The following TRAPPC10 variants were observed in gnomAD, a reference collection of about 807,000 sequenced individuals.
The protein encoded by TRAPPC10 is trafficking protein particle complex subunit 10, also known as TRAPP 130 kDa subunit.
A neutral mutation model predicts 125.5 loss-of-function variants in TRAPPC10; 23 were observed. The ratio of observed to expected loss-of-function variants is 0.18; its 90% CI spans 0.13 to 0.26. The LOEUF is 0.26. TRAPPC10 is among the 10% of genes least tolerant of loss of function. The pLI is 1.00. For missense variants in TRAPPC10, 1,123 were observed against 1,308.4 expected (o/e 0.86, Z 2.19); for synonymous variants, 509 against 518.0 (o/e 0.98, Z 0.24).
chr21:44,062,602 C>A, intron 6 of TRAPPC10: 1 of 984,614 alleles, frequency 1.0e-6, no homozygotes, highest in Non-Finnish European at 1.2e-6. Flanking sequence ...GGGCTGGGTC[C>A]ACTCCACACT....
At chr21:44,052,657 G>A (rs1382810290) in intron 4 of TRAPPC10, among the ~76,000 whole-genome samples, 181 bp downstream of exon 4, 2 of 152,114 alleles carry the variant, frequency 1.3e-5, no homozygotes, top group East Asian at 3.9e-4. Context: ...AGAACTCGAA[G>A]CAGTCATCCC....
rs572196907 is a variant in TRAPPC10 at position 44,086,723 on chromosome 21, C to A, written c.2381-79C>A. 33 of 1,446,702 alleles carry A rather than the reference C, an allele frequency of 2.3e-5. No homozygotes were observed. The East Asian group carries it at 7.1e-4, about 31-fold the overall frequency. 89.6% of individuals were successfully genotyped at this position (1,446,702 alleles called of 1,614,324 possible). On this transcript the variant is annotated intron_variant, in intron 15 of 22. Transcript: ENST00000291574. ...TCTTTCATAGTAAAAGAAATAGAGC[C>A]CCTTTCACCCCATTGCGGGCCCTGA...
chr21:44,083,395 A>G (rs2037898717), intron 14 of TRAPPC10, 93 bp downstream of exon 14: 6 of 1,410,122 alleles, frequency 4.3e-6, no homozygotes, highest in Non-Finnish European at 4.8e-6. Context: ...TGAATTGAGT[A>G]GAGTCCTTTG....
At chr21:44,067,574 G>A (rs1313900436) in intron 7 of TRAPPC10, among the ~76,000 whole-genome samples, 1 of 152,178 alleles carries the variant, frequency 6.6e-6, no homozygotes, top group Non-Finnish European at 1.5e-5. Context: ...TTCCTTGCCT[G>A]CCAGGCACTG....
rs1208374821 is a variant in TRAPPC10, at chr21:44,091,973, T to C, written c.2921T>C (p.Leu974Pro). 5 of 1,614,180 alleles carry C rather than the reference T, an allele frequency of 3.1e-6. No homozygotes were observed. Among genetic ancestry groups the C allele is most frequent in the Non-Finnish European group, 4.2e-6 (5 of 1,180,020 alleles). ...AATTTGTCAGAACTTGACTTTCAGC[T>C]GTCAGATAGTTATCTTGTAGATACC... Reference protein sequence around the residue: ...VQNLSELDFQLSDSYLVDTGD... With the variant: ...VQNLSELDFQPSDSYLVDTGD... The change falls in exon 19 of 23, where the codon CTG becomes CCG. Residue 974 changes from leucine to proline, a missense_variant. By Grantham distance (98) the Leu-to-Pro change is moderately conservative (BLOSUM62 -3). Around this residue, in one of 4 missense-constraint regions of TRAPPC10, gnomAD observed 840 missense variants for 902.0 expected, o/e 0.93. Coordinates refer to ENST00000291574, the MANE Select transcript of TRAPPC10 (RefSeq NM_003274.5).
chr21:44,025,001 A>G (rs1268078494), intron 1 of TRAPPC10, among the ~76,000 whole-genome samples: 1 of 152,190 alleles, frequency 6.6e-6, no homozygotes, highest in Non-Finnish European at 1.5e-5. Flanking sequence ...GTATGTTGAG[A>G]TCATTCTCAT....
At chr21:44,013,268 G>T (rs901201044) in intron 1 of TRAPPC10, among the ~76,000 whole-genome samples, 5 of 152,126 alleles carry the variant, frequency 3.3e-5, no homozygotes, top group Admixed American at 6.5e-5. Context: ...CTGTTTTTCT[G>T]TTACGGGAAA....
rs200809792 is a variant in TRAPPC10 at position 44,082,962 on chromosome 21, T to C, written c.1898T>C (p.Ile633Thr). Reference protein sequence around the residue: ...EQIVVNVHFSIEKNSYRKTAE... With the variant: ...EQIVVNVHFSTEKNSYRKTAE... Reference sequence around the variant, plus strand: ...ATTGTGGTCAATGTCCACTTCAGCATTGAGAAAAACAGCTACCGGAAGACT... The same window carrying C: ...ATTGTGGTCAATGTCCACTTCAGCACTGAGAAAAACAGCTACCGGAAGACT... Residue 633 changes from isoleucine to threonine, a missense_variant, in exon 14 of 23, where the codon ATT becomes ACT. Physicochemically the swap from Ile to Thr is moderately conservative, Grantham distance 89. Coordinates refer to ENST00000291574, the MANE Select transcript of TRAPPC10 (RefSeq NM_003274.5). This position sits in a 1 kb window ranked among gnomAD's most constrained non-coding sequence, Gnocchi z 4.4. The C allele has an allele frequency of 8.6e-5, 138 of 1,613,916 alleles. No individual in the cohort carries two copies. The highest frequency in any genetic ancestry group is 1.1e-4 in the Non-Finnish European group (129 of 1,180,022).
At chr21:44,043,402 C>T (rs1459538157) in intron 3 of TRAPPC10, among the ~76,000 whole-genome samples, 3 of 151,696 alleles carry the variant, frequency 2.0e-5, no homozygotes, top group African/African-American at 4.8e-5. Flanking sequence ...TTAGTGGAGA[C>T]GGGGTTTCAC....
chr21:44,094,038 C>T, intron 19 of TRAPPC10, 25 bp from the exon 20 acceptor site: 1 of 1,604,690 alleles, frequency 6.2e-7, no homozygotes, highest in Non-Finnish European at 8.5e-7. Context: ...GCTGTGTGAG[C>T]AGTGACCCCC....
rs536277304 is a variant in TRAPPC10 at position 44,039,251 on chromosome 21, C to T, written c.285+1324C>T. 5.9e-5 allele frequency among the ~76,000 whole-genome samples: 9 copies of T among 152,292 alleles called. No homozygotes were observed. The South Asian group carries it at 6.2e-4, about 11-fold the overall frequency. On this transcript the variant is annotated intron_variant, in intron 3 of 22. Coordinates refer to ENST00000291574, the MANE Select transcript of TRAPPC10 (RefSeq NM_003274.5). Reference sequence around the variant, plus strand: ...ACCTTTCCACCCATCTCCGTCAGCCCGTCCCCTATTCTGGGGAGCGCCTGC... The same window carrying T: ...ACCTTTCCACCCATCTCCGTCAGCCTGTCCCCTATTCTGGGGAGCGCCTGC...
Position 44,014,713 on chromosome 21 carries a change from C to T in TRAPPC10, c.67+2153C>T, listed in dbSNP as rs114488968. Reference sequence around the variant, plus strand: ...GAAGTGCTGGGATTACAGGCTTGAGCCCCCACCCTTGGCCTCAAGCAACAT... The same window carrying T: ...GAAGTGCTGGGATTACAGGCTTGAGTCCCCACCCTTGGCCTCAAGCAACAT... On this transcript the variant is annotated intron_variant, in intron 1 of 22. Transcript: ENST00000291574. Among the ~76,000 whole-genome samples the T allele has an allele frequency of 5.6e-3, 846 of 151,930 alleles. 12 individuals are homozygous for T. Among genetic ancestry groups the T allele is most frequent in the African/African-American group, 0.02 (820 of 41,424 alleles).
At position 44,062,528 on chromosome 21, in the gene TRAPPC10, G is replaced by A. The variant is rs1037219527; in HGVS notation, c.791-1010G>A. On this transcript the variant is annotated intron_variant, in intron 6 of 22. Transcript: ENST00000291574. ...CCTGACTGAAATGTGGGAGTGCCCC[G>A]TGAGAATCCTGTGGGAGGGGAGCCT... 1.0e-5 allele frequency: 10 copies of A among 985,094 alleles called. No homozygotes were observed. In the South Asian group the frequency reaches 1.9e-4, roughly 19 times the overall value. The allele number at this position is 985,094 out of a possible 1,614,324, so 61.0% of individuals were successfully genotyped here.
intron 5 of TRAPPC10, among the ~76,000 whole-genome samples, chr21:44,057,129 T>G (rs1354343677): frequency 1.3e-5 from 2 of 151,956 alleles, no homozygotes; most frequent in Non-Finnish European, 2.9e-5. Flanking sequence ...GTGCTCAGGT[T>G]CAGAGACAGA....
chr21:44,047,533 T>A (rs1218013377), intron 3 of TRAPPC10, among the ~76,000 whole-genome samples: 1 of 45,940 alleles, frequency 2.2e-5, no homozygotes, highest in Non-Finnish European at 3.9e-5. Context: ...TGGGGGAGTA[T>A]GTGTGTGTGT....
At chr21:44,089,455 A>G (rs926399872) in intron 17 of TRAPPC10, 2 of 432,996 alleles carry the variant, frequency 4.6e-6, no homozygotes, top group South Asian at 1.6e-5. Flanking sequence ...CTGGAAATAC[A>G]TGACTGAAAG....
At chr21:44,013,696 C>T (rs1398373394) in intron 1 of TRAPPC10, among the ~76,000 whole-genome samples, 2 of 152,176 alleles carry the variant, frequency 1.3e-5, no homozygotes, top group African/African-American at 4.8e-5. Context: ...CTTCCTTTTG[C>T]TTTATTTTGT....
chr21:44,079,702 A>G lies in TRAPPC10; in HGVS notation c.1608A>G (p.Glu536=), dbSNP rs772730254. Residue 536 remains glutamate (E), a splice_region_variant and synonymous_variant, in exon 12 of 23, where the codon GAA becomes GAG. Coordinates refer to ENST00000291574, the MANE Select transcript of TRAPPC10 (RefSeq NM_003274.5). ...GTCAAAAGCACCTTGGACAAATTGAAAAGTATCCTTTAATGTTTTCATGAA... is the reference window on the plus strand; with the variant it reads ...GTCAAAAGCACCTTGGACAAATTGAGAAGTATCCTTTAATGTTTTCATGAA... ...AECQKHLGQI[E]NYLQTSSLLA... 3 of 1,603,150 alleles carry G rather than the reference A, an allele frequency of 1.9e-6. No individual in the cohort carries two copies. The highest frequency in any genetic ancestry group is 3.3e-4 in the Middle Eastern group (2 of 6,042).
At position 44,084,151 on chromosome 21, in the gene TRAPPC10, G is replaced by A. The variant is rs1225933185; in HGVS notation, c.2268G>A (p.Arg756=). Reference sequence around the variant, plus strand: ...AGGAACCTGGAACGTATACACTCAGGCAGCTGTGCGCCTCGGTGGGCTCCG... The same window carrying A: ...AGGAACCTGGAACGTATACACTCAGACAGCTGTGCGCCTCGGTGGGCTCCG... The part of the protein sequence containing the change: ...QAKEPGTYTL[R]QLCASVGSVW... Residue 756 remains arginine (R), a synonymous_variant, in exon 15 of 23, where the codon AGG becomes AGA. Coordinates refer to ENST00000291574, the MANE Select transcript of TRAPPC10 (RefSeq NM_003274.5). 2.5e-6 allele frequency: 4 copies of A among 1,614,082 alleles called. No homozygotes were observed. The African/African-American group carries it at 5.3e-5, about 22-fold the overall frequency.
Sources: gnomAD v4.1 joint callset for allele counts (sites outside exome capture counted in the v4.1 genomes callset) on GRCh38, gnomAD v4.1.1 for gene constraint, gnomAD v4.1.1 regional missense constraint, Gnocchi (gnomAD v3.1) non-coding constraint, MANE v1.5 for transcripts, NCBI Gene and HGNC (gene_info 2026-07-23, HGNC 2026-07-21) for gene names.